Variants in HPX observed in about 807,000 individuals in gnomAD.
HPX encodes the protein hemopexin.
In HPX, 42 loss-of-function variants were observed where a neutral mutation model predicts 53.8. That is an observed-to-expected ratio of 0.78 (90% CI 0.61 to 1.01). HPX has a LOEUF of 1.01. Ranked by LOEUF, HPX falls within the 50% of genes least tolerant of loss-of-function variation. HPX has a pLI of 0.00. For missense variants in HPX, 547 were observed against 594.3 expected (o/e 0.92, Z 0.83); for synonymous variants, 229 against 221.1 (o/e 1.04, Z -0.32).
intron 4 of HPX, 88 bp from the exon 5 acceptor site, chr11:6,438,597 T>C (rs964753026): frequency 2.5e-6 from 3 of 1,197,136 alleles, no homozygotes; most frequent in African/African-American, 1.5e-5. Flanking sequence ...ACTGTGCTTA[T>C]ACGATATCCT....
At chr11:6,440,372 T>A (rs1004361785) in intron 3 of HPX, 86 bp from the exon 4 acceptor site, 5 of 1,598,548 alleles carry the variant, frequency 3.1e-6, no homozygotes, top group Non-Finnish European at 3.4e-6. Flanking sequence ...AGTGATACCA[T>A]CAGATAATTC....
rs150488733 is a variant in HPX at position 6,431,465 on chromosome 11, G to A, written c.1135C>T (p.Arg379Trp). The A allele has an allele frequency of 1.6e-4, 262 of 1,614,162 alleles. No homozygotes were observed. The African/African-American group carries it at 2.0e-3, about 12-fold the overall frequency. Residue 379 changes from arginine to tryptophan, a missense_variant, in exon 10 of 10, where the codon CGG (arginine) becomes TGG (tryptophan). Arg to Trp is a moderately radical substitution (Grantham distance 101). Transcript: ENST00000265983. ...GACTTCAGGTCCAGCCACCACAGCC[G>A]CCGTCCTGGGGAGAAGGCACCAAAC... is the stretch of plus-strand genomic sequence containing the variant. Reference protein sequence around the residue: ...SSRLHIMAGRRLWWLDLKSGA... With the variant: ...SSRLHIMAGRWLWWLDLKSGA...
In HPX at chr11:6,431,625, C is replaced by G; in HGVS notation, c.1129+16G>C. On this transcript the variant is annotated intron_variant, in intron 9 of 9. Coordinates refer to ENST00000265983, the MANE Select transcript of HPX (RefSeq NM_000613.3). ...AGCAGAACAAGCTGCCCTCTAAGCA[C>G]CCAGAAGCCCCTCACCTGCCATGAT... 1 of 1,612,802 alleles carries G rather than the reference C, an allele frequency of 6.2e-7. No homozygotes were observed. The highest frequency in any genetic ancestry group is 8.5e-7 in the Non-Finnish European group (1 of 1,179,918).
rs755481958 is a variant in HPX, at chr11:6,431,868, C to T, written c.966+19G>A. ...TGCTTGTCCCAGTCTCTACCTCAAG[C>T]CTCTCCCCCAATACACACCTGGACC... On this transcript the variant is annotated intron_variant, in intron 8 of 9. Transcript: ENST00000265983. 6 of 1,613,902 alleles carry T rather than the reference C, an allele frequency of 3.7e-6. No homozygotes were observed. Among genetic ancestry groups the T allele is most frequent in the Admixed American group, 3.3e-5 (2 of 59,998 alleles).
chr11:6,433,559 C>A (rs921342348), intron 7 of HPX, among the ~76,000 whole-genome samples: 1 of 152,242 alleles, frequency 6.6e-6, no homozygotes, highest in Non-Finnish European at 1.5e-5. Flanking sequence ...TGCTATCATC[C>A]TAGTCCAAGC....
Position 6,440,485 on chromosome 11 carries a change from T to C in HPX, c.196A>G (p.Thr66Ala), listed in dbSNP as rs142974976. ...CTCCTACCTTTAAAAAACAGCATGGTTCCATTGTCATCCAGGGTGGTAGCA... is the reference window on the plus strand; with the variant it reads ...CTCCTACCTTTAAAAAACAGCATGGCTCCATTGTCATCCAGGGTGGTAGCA... ...FDATTLDDNG[T>A]MLFFKGEFVW... The change falls in exon 3 of 10, where the codon ACC (threonine) becomes GCC (alanine). Residue 66 changes from threonine to alanine, a missense_variant. Coordinates refer to ENST00000265983, the MANE Select transcript of HPX (RefSeq NM_000613.3). 1.2e-6 allele frequency: 2 copies of C among 1,603,290 alleles called. No individual in the cohort carries two copies. Among genetic ancestry groups the C allele is most frequent in the East Asian group, 2.3e-5 (1 of 44,434 alleles).
chr11:6,438,130 C>T, intron 5 of HPX: 1 of 581,246 alleles, frequency 1.7e-6, no homozygotes, highest in Middle Eastern at 4.6e-4. Flanking sequence ...TCATGGGGAA[C>T]AATGAGGGAC....
In HPX at chr11:6,431,224, C is replaced by G. The variant is rs149960495; in HGVS notation, c.1376G>C (p.Gly459Ala). ...PQPQNVTSLLGCTH is the reference protein window; with the variant it reads ...PQPQNVTSLLACTH Reference sequence around the variant, plus strand: ...TCAGAAGGCCCCTCAGTGAGTGCAGCCCAGGAGACTGGTCACATTCTGGGG... The same window carrying G: ...TCAGAAGGCCCCTCAGTGAGTGCAGGCCAGGAGACTGGTCACATTCTGGGG... Residue 459 changes from glycine (G) to alanine (A), a missense_variant, in exon 10 of 10, where the codon GGC (glycine) becomes GCC (alanine). Coordinates refer to ENST00000265983, the MANE Select transcript of HPX (RefSeq NM_000613.3). 6.2e-7 allele frequency: 1 copy of G among 1,614,200 alleles called. No individual in the cohort carries two copies.
chr11:6,438,013 AGTGT>A, intron 5 of HPX: 1 of 488,690 alleles, frequency 2.0e-6, no homozygotes, highest in Non-Finnish European at 3.7e-6. Flanking sequence ...TCTGGAGCTT[AGTGT>A]TAAGGTAAAA....
At chr11:6,436,728 A>C (rs777005571) in intron 7 of HPX, among the ~76,000 whole-genome samples, 6 of 152,190 alleles carry the variant, frequency 3.9e-5, no homozygotes, top group Non-Finnish European at 8.8e-5. Flanking sequence ...TCCAGGGAGC[A>C]AGGGAGAGCC....
chr11:6,432,993 G>T (rs1849368791), intron 7 of HPX, among the ~76,000 whole-genome samples: 1 of 151,990 alleles, frequency 6.6e-6, no homozygotes, highest in African/African-American at 2.4e-5. Context: ...ATGCTTATGG[G>T]GTGCCAATAG....
At chr11:6,438,331 T>C (rs1332419542) in intron 5 of HPX, 25 bp downstream of exon 5, 1 of 1,612,170 alleles carries the variant, frequency 6.2e-7, no homozygotes, top group East Asian at 2.2e-5. Flanking sequence ...CTACTCCAGG[T>C]TCTTGGATTC....
rs565118925 is a variant in HPX, at chr11:6,436,006, A to G, written c.835+1040T>C. On this transcript the variant is annotated intron_variant, in intron 7 of 9. Coordinates refer to ENST00000265983, the MANE Select transcript of HPX (RefSeq NM_000613.3). Reference sequence around the variant, plus strand: ...TTCACTTTGTCTGTGTGTCCTCCCAATGGGCTCCCACCATGGCTGTGTGTT... The same window carrying G: ...TTCACTTTGTCTGTGTGTCCTCCCAGTGGGCTCCCACCATGGCTGTGTGTT... 5.9e-5 allele frequency among the ~76,000 whole-genome samples: 9 copies of G among 152,132 alleles called. No individual in the cohort carries two copies. The East Asian group carries it at 1.4e-3, about 23-fold the overall frequency.
Position 6,440,857 on chromosome 11 carries a change from G to A in HPX, c.83+24C>T, listed in dbSNP as rs35862450. The A allele has an allele frequency of 0.23, 370,851 of 1,608,650 alleles. 43,924 individuals carry two copies. Among genetic ancestry groups the A allele is most frequent in the African/African-American group, 0.3 (22,135 of 74,768 alleles). On this transcript the variant is annotated intron_variant, in intron 1 of 9. Coordinates refer to ENST00000265983, the MANE Select transcript of HPX (RefSeq NM_000613.3). ...ACCCTAGCCCAGAACTCAATCCTTC[G>A]CTTCTAGTCCCAGCTTTACTCACGG...
At chr11:6,431,618 C>G (rs1849349359) in intron 9 of HPX, 23 bp downstream of exon 9, 1 of 1,612,360 alleles carries the variant, frequency 6.2e-7, no homozygotes, top group African/African-American at 1.3e-5. Flanking sequence ...AAGCTGCCCT[C>G]TAAGCACCCA....
At chr11:6,432,101 A>G in intron 7 of HPX, 84 bp from the exon 8 acceptor site, 2 of 1,516,300 alleles carry the variant, frequency 1.3e-6, no homozygotes. Context: ...GAAATGAGTC[A>G]TGAGAGGGAG....
chr11:6,432,002 C>A lies in HPX; in HGVS notation c.851G>T (p.Arg284Leu). 6.2e-7 allele frequency: 1 copy of A among 1,614,198 alleles called. No individual in the cohort carries two copies. The highest frequency in any genetic ancestry group is 8.5e-7 in the Non-Finnish European group (1 of 1,180,036). The change falls in exon 8 of 10, where the codon CGT becomes CTT. Residue 284 changes from arginine (R) to leucine (L), a missense_variant. Transcript: ENST00000265983. ...TYAFSGTHYW[R>L]LDTSRDGWHS... The stretch of plus-strand genomic sequence containing the variant: ...CCAGCCATCCCGGCTGGTGTCCAGA[C>A]GCCAGTAGTGGGTCCCTGTGGAATA...
Position 6,440,228 on chromosome 11 carries a change from C to T in HPX, c.273G>A (p.Lys91=), listed in dbSNP as rs1341543032. Residue 91 remains lysine (K), a synonymous_variant, in exon 4 of 10, where the codon AAG becomes AAA. Transcript: ENST00000265983. ...WDRELISERW[K]NFPSPVDAAF... The stretch of plus-strand genomic sequence containing the variant: ...CAGCATCCACAGGGCTGGGGAAATT[C>T]TTCCATCTCTCTGAGATTAACTCCC... The T allele has an allele frequency of 6.2e-7, 1 of 1,614,096 alleles. No homozygotes were observed. The highest frequency in any genetic ancestry group is 1.7e-5 in the Admixed American group (1 of 60,020).
chr11:6,431,454 C>A lies in HPX; in HGVS notation c.1146G>T (p.Trp382Cys). The A allele has an allele frequency of 6.2e-7, 1 of 1,614,176 alleles. No homozygotes were observed. Among genetic ancestry groups the A allele is most frequent in the Non-Finnish European group, 8.5e-7 (1 of 1,180,028 alleles). Residue 382 changes from tryptophan to cysteine, a missense_variant, in exon 10 of 10, where the codon TGG (tryptophan) becomes TGT (cysteine). Physicochemically the swap from Trp to Cys is radical, Grantham distance 215. Transcript: ENST00000265983. ...CTTGGGCTCCTGACTTCAGGTCCAG[C>A]CACCACAGCCGCCGTCCTGGGGAGA... ...LHIMAGRRLWWLDLKSGAQAT... is the reference protein window; with the variant it reads ...LHIMAGRRLWCLDLKSGAQAT...
Sources: gnomAD v4.1 joint callset for allele counts (sites outside exome capture counted in the v4.1 genomes callset) on GRCh38, gnomAD v4.1.1 for gene constraint, MANE v1.5 for transcripts, NCBI Gene and HGNC (gene_info 2026-07-23, HGNC 2026-07-21) for gene names.